GRIN2A: variants seen among roughly 807,000 people sequenced by gnomAD.
GRIN2A encodes glutamate ionotropic receptor NMDA type subunit 2A.
Under a neutral mutation model 113.4 loss-of-function variants are expected in GRIN2A, and 22 were observed. The observed-to-expected ratio is 0.19, with a 90% CI of 0.14 to 0.28. The LOEUF (loss-of-function observed/expected upper bound fraction) is 0.28. Among genes scored for constraint, GRIN2A ranks in the 10% least tolerant of loss-of-function variants. The probability of loss-of-function intolerance (pLI) is 1.00; values close to 1 mark genes in which losing one functional copy is unlikely to be tolerated. For synonymous variants in GRIN2A, 827 were observed against 738.4 expected, an observed-to-expected ratio of 1.12 and a Z score of -1.94; for missense variants, 1,502 against 1,887.0, an observed-to-expected ratio of 0.80 and a Z score of 3.78.
At chr16:9,856,880 G>C (rs1327383319) in intron 4 of GRIN2A, among the ~76,000 whole-genome samples, 6 of 151,670 alleles carry the variant, frequency 4.0e-5, no homozygotes, top group African/African-American at 1.5e-4. Flanking sequence ...AGAATTTTCT[G>C]CTGAACAAAA....
chr16:9,997,308 T>G (rs930596102), intron 2 of GRIN2A, among the ~76,000 whole-genome samples: 4 of 152,170 alleles, frequency 2.6e-5, no homozygotes, highest in African/African-American at 9.7e-5. Flanking sequence ...ACTCCCAATG[T>G]TCCCACTCCA....
chr16:10,079,483 T>G (rs2047938868), intron 2 of GRIN2A, among the ~76,000 whole-genome samples: 1 of 152,146 alleles, frequency 6.6e-6, no homozygotes, highest in Admixed American at 6.5e-5. Flanking sequence ...AACCTAATCC[T>G]CAATGTGATG....
chr16:9,977,630 C>T (rs1356765537), intron 2 of GRIN2A, among the ~76,000 whole-genome samples: 3 of 152,074 alleles, frequency 2.0e-5, no homozygotes, highest in Admixed American at 1.3e-4. Flanking sequence ...CCACAGCACA[C>T]GTTCAGGCAG....
At chr16:9,990,032 G>C (rs558774634) in intron 2 of GRIN2A, among the ~76,000 whole-genome samples, 1 of 152,144 alleles carries the variant, frequency 6.6e-6, no homozygotes, top group Admixed American at 6.5e-5. Flanking sequence ...CCATCACTGG[G>C]TATATGCCCA....
At chr16:9,839,650 T>C (rs903268582) in intron 7 of GRIN2A, among the ~76,000 whole-genome samples, 1 of 152,222 alleles carries the variant, frequency 6.6e-6, no homozygotes, top group African/African-American at 2.4e-5. Context: ...ATGTAGATGC[T>C]GAATAAAGGT....
At chr16:9,942,503 G>C (rs966191235) in intron 2 of GRIN2A, among the ~76,000 whole-genome samples, 1 of 152,158 alleles carries the variant, frequency 6.6e-6, no homozygotes, top group South Asian at 2.1e-4. Context: ...GGATGAAAAG[G>C]TAGAAGTGGG....
In GRIN2A at chr16:9,835,884, G is replaced by T. The variant is rs189687956; in HGVS notation, c.1652-1654C>A. Reference sequence around the variant, plus strand: ...GGATAATTTAAAAGCTGGGAGGAATGCTTTCTAATGCATTTGATAGTGCAA... The same window carrying T: ...GGATAATTTAAAAGCTGGGAGGAATTCTTTCTAATGCATTTGATAGTGCAA... On this transcript the variant is annotated intron_variant, in intron 7 of 12. Transcript: ENST00000330684. 2.6e-3 allele frequency among the ~76,000 whole-genome samples: 395 copies of T among 152,260 alleles called. 2 individuals carry two copies. The highest frequency in any genetic ancestry group is 9.2e-3 in the African/African-American group (384 of 41,570).
At chr16:9,996,607 C>G (rs566112047) in intron 2 of GRIN2A, among the ~76,000 whole-genome samples, 2 of 152,196 alleles carry the variant, frequency 1.3e-5, no homozygotes, top group South Asian at 2.1e-4. Flanking sequence ...CTTCATTTGT[C>G]TACACATAAT....
At chr16:10,109,525 T>C (rs1457748131) in intron 2 of GRIN2A, among the ~76,000 whole-genome samples, 2 of 151,110 alleles carry the variant, frequency 1.3e-5, no homozygotes, top group Non-Finnish European at 2.9e-5. Context: ...CCACAAAATA[T>C]GAGCAGATCA....
chr16:10,034,535 C>CAAAAAAAAAAAAAA (rs58076569), intron 2 of GRIN2A, among the ~76,000 whole-genome samples: 1 of 36,422 alleles, frequency 2.7e-5, no homozygotes, highest in African/African-American at 1.1e-4. Context: ...CAAAAAAAAG[C>CAAAAAAAAAAAAAA]AAAAAAAAAA....
chr16:10,016,356 C>G (rs1214591235), intron 2 of GRIN2A, among the ~76,000 whole-genome samples: 1 of 151,636 alleles, frequency 6.6e-6, no homozygotes, highest in Non-Finnish European at 1.5e-5. Flanking sequence ...GCACACAGCT[C>G]AAACAAGATG....
chr16:9,884,492 T>C (rs1264246903), intron 4 of GRIN2A, among the ~76,000 whole-genome samples: 1 of 152,080 alleles, frequency 6.6e-6, no homozygotes, highest in Admixed American at 6.6e-5. Flanking sequence ...GAGGTTGCAG[T>C]GAGCCCAGAT....
At chr16:10,039,787 G>T (rs1308741643) in intron 2 of GRIN2A, among the ~76,000 whole-genome samples, 1 of 99,648 alleles carries the variant, frequency 1.0e-5, no homozygotes, top group African/African-American at 3.7e-5. Flanking sequence ...AGGGGGAGGG[G>T]GAGGGGGAGG....
intron 8 of GRIN2A, among the ~76,000 whole-genome samples, chr16:9,832,232 A>G (rs1281735842): frequency 6.6e-5 from 10 of 151,918 alleles, no homozygotes; most frequent in Non-Finnish European, 1.2e-4. Context: ...TTGACATCAC[A>G]AGTATGAGCC....
At position 10,131,898 on chromosome 16, in the gene GRIN2A, G is replaced by A. The variant is rs117150037; in HGVS notation, c.414+48100C>T. Among the ~76,000 whole-genome samples the A allele has an allele frequency of 4.3e-3, 661 of 152,190 alleles. 1 individual carries two copies. Among genetic ancestry groups the A allele is most frequent in the Non-Finnish European group, 6.5e-3 (439 of 68,018 alleles). ...TATTATTGTTATTATTACTACTACT[G>A]TTATTATTTTACTTATGAGCGCTTA... On this transcript the variant is annotated intron_variant, in intron 2 of 12. Transcript: ENST00000330684.
At chr16:9,864,033 T>C (rs557525624) in intron 4 of GRIN2A, among the ~76,000 whole-genome samples, 1 of 152,298 alleles carries the variant, frequency 6.6e-6, no homozygotes, top group African/African-American at 2.4e-5. Context: ...AGTCCTTTGT[T>C]ACAGTAACAG....
Position 9,778,581 on chromosome 16 carries a change from C to T in GRIN2A, c.2357-9492G>A, listed in dbSNP as rs372875347. The stretch of plus-strand genomic sequence containing the variant: ...TTCAGATCCCGTGCTGTTTTGAGAG[C>T]CACTGGCTAAACTGGGTTTCCAGTA... On this transcript the variant is annotated intron_variant, in intron 11 of 12. Coordinates refer to ENST00000330684, the MANE Select transcript of GRIN2A (RefSeq NM_001134407.3). Among the ~76,000 whole-genome samples, 100 of 152,298 alleles carry T rather than the reference C, an allele frequency of 6.6e-4. 1 individual carries two copies. The East Asian group carries it at 9.6e-3, about 15-fold the overall frequency.
chr16:10,018,648 G>A (rs574048313), intron 2 of GRIN2A, among the ~76,000 whole-genome samples: 1 of 152,134 alleles, frequency 6.6e-6, no homozygotes. Flanking sequence ...TCTATCCAGG[G>A]AGGTGATTGT....
intron 2 of GRIN2A, among the ~76,000 whole-genome samples, chr16:10,069,134 C>T (rs1415695841): frequency 6.6e-6 from 1 of 151,988 alleles, no homozygotes; most frequent in African/African-American, 2.4e-5. Context: ...TTTACCCTGG[C>T]TGCAAAGGAA....
Sources: gnomAD v4.1 joint callset for allele counts (sites outside exome capture counted in the v4.1 genomes callset) on GRCh38, gnomAD v4.1.1 for gene constraint, MANE v1.5 for transcripts, NCBI Gene and HGNC (gene_info 2026-07-23, HGNC 2026-07-21) for gene names.